Variants in SRCIN1 observed in about 807,000 individuals in gnomAD.
SRCIN1 encodes SRC kinase signaling inhibitor 1, also known as P130Cas-associated protein.
Under a neutral mutation model 116.2 loss-of-function variants are expected in SRCIN1, and 50 were observed. The observed-to-expected ratio is 0.43, with a 90% CI of 0.34 to 0.54. SRCIN1 has a LOEUF of 0.54. Among genes scored for constraint, SRCIN1 ranks in the 20% least tolerant of loss-of-function variants. SRCIN1 has a pLI of 0.02. For missense variants in SRCIN1, 1,446 were observed against 1,672.0 expected, an observed-to-expected ratio of 0.86 and a Z score of 2.36; for synonymous variants, 736 against 750.0, an observed-to-expected ratio of 0.98 and a Z score of 0.30.
rs749613021 is a variant in SRCIN1, at chr17:38,562,960, C to T, written c.741-40G>A. The T allele has an allele frequency of 1.3e-6, 2 of 1,510,184 alleles. No individual in the cohort carries two copies. The highest frequency in any genetic ancestry group is 2.3e-5 in the South Asian group (2 of 86,950). 93.5% of individuals were successfully genotyped at this position (1,510,184 alleles called of 1,614,324 possible). On this transcript the variant is annotated intron_variant, in intron 5 of 18. Coordinates refer to ENST00000617146, the MANE Select transcript of SRCIN1 (RefSeq NM_025248.3). This position sits in a 1 kb window ranked among gnomAD's most constrained non-coding sequence, Gnocchi z 4.2. ...GAGACGGGGGTCACCACCCATCCCC[C>T]AGCTGTGCACAATGAGAAGGGATGG...
chr17:38,605,077 G>T (rs1416038110), intron 1 of SRCIN1, among the ~76,000 whole-genome samples: 2 of 152,024 alleles, frequency 1.3e-5, no homozygotes, highest in East Asian at 1.9e-4. Flanking sequence ...GGGAGGGGGG[G>T]TGTGTGGAAT....
chr17:38,604,500 G>A lies in SRCIN1; in HGVS notation c.22+1184C>T, dbSNP rs12952883. 1 of 454,052 alleles carries A rather than the reference G, an allele frequency of 2.2e-6. No individual in the cohort carries two copies. Among genetic ancestry groups the A allele is most frequent in the South Asian group, 1.6e-5 (1 of 64,274 alleles). The allele number at this position is 454,052 out of a possible 1,614,324, so 28.1% of individuals were successfully genotyped here. On this transcript the variant is annotated intron_variant, in intron 1 of 18. Transcript: ENST00000617146. The surrounding 1 kb of genome is among the most constrained non-coding windows in gnomAD (Gnocchi z 4.3). ...TCACCTGGCTCCCCTCGGCCCCCAG[G>A]GTCCCTCGGTCCAGCCTCCTCCCTG...
intron 1 of SRCIN1, among the ~76,000 whole-genome samples, chr17:38,590,260 C>T (rs998859958): frequency 5.3e-5 from 8 of 152,182 alleles, no homozygotes; most frequent in African/African-American, 1.9e-4. Flanking sequence ...TTTCTTGAGA[C>T]AGTCCTGCTC....
chr17:38,591,910 C>T (rs558286544), intron 1 of SRCIN1, among the ~76,000 whole-genome samples: 5 of 152,372 alleles, frequency 3.3e-5, no homozygotes, highest in East Asian at 3.9e-4. Flanking sequence ...GTGGGCAGCC[C>T]GCTCTGCCTG....
chr17:38,565,683 T>G (rs1906638065), intron 3 of SRCIN1, among the ~76,000 whole-genome samples: 1 of 152,254 alleles, frequency 6.6e-6, no homozygotes. Flanking sequence ...ATGTTCCAAT[T>G]GGATTAGCAC....
intron 1 of SRCIN1, among the ~76,000 whole-genome samples, chr17:38,584,529 G>GCCC (rs36036945): frequency 1.3e-5 from 2 of 152,028 alleles, no homozygotes; most frequent in African/African-American, 4.8e-5. Flanking sequence ...AGTGGCGGGC[G>GCCC]CCCCCCAGTG....
rs1403948435 is a variant in SRCIN1, at chr17:38,578,544, C to G, written c.270G>C (p.Lys90Asn). The G allele has an allele frequency of 6.2e-7, 1 of 1,603,130 alleles. No individual in the cohort carries two copies. Among genetic ancestry groups the G allele is most frequent in the East Asian group, 2.2e-5 (1 of 44,492 alleles). The change falls in exon 2 of 19, where the codon AAG (lysine) becomes AAC (asparagine). Residue 90 changes from lysine (K) to asparagine (N), a missense_variant. Around this residue, in one of 5 missense-constraint regions of SRCIN1, gnomAD observed 246 missense variants for 265.1 expected, o/e 0.93. Coordinates refer to ENST00000617146, the MANE Select transcript of SRCIN1 (RefSeq NM_025248.3). ...GCAGGGCCAGGGCGTGCTGTGGGTA[C>G]TTGCTCTTCAGGTGGTCCATGAAGG... ...RDAFMDHLKS[K>N]YPQHALALRG...
rs55779119 is a variant in SRCIN1, at chr17:38,581,466, C to CTTTT, written c.23-2679_23-2676dup. 1.3e-4 allele frequency among the ~76,000 whole-genome samples: 18 copies of CTTTT among 134,678 alleles called. No individual in the cohort carries two copies. The South Asian group carries it at 1.7e-3, about 12-fold the overall frequency. The allele number at this position is 134,678 out of a possible 152,430, so 88.4% of individuals were successfully genotyped here. On this transcript the variant is annotated intron_variant, in intron 1 of 18. Transcript: ENST00000617146. ...AAAGTGTGAGCCACCACACCCAGGT[C>CTTTT]TTTTTTTTTTTTTTTAAATACCTTT...
intron 3 of SRCIN1, 45 bp from the exon 4 acceptor site, chr17:38,564,358 C>A (rs776328704): frequency 1.9e-5 from 28 of 1,446,616 alleles, no homozygotes; most frequent in South Asian, 2.7e-5. Context: ...ATGAGCACCC[C>A]CCCTCCCCTT....
rs1038480024 is a variant in SRCIN1, at chr17:38,560,061, G to A, written c.1830C>T (p.Pro610=). The part of the protein sequence containing the change: ...KIEGSNGAAT[P]SAPCGSGGRS... ...AGGGGGAGGTTCACTCACGTGCTGA[G>A]GGGGTGGCTGCTCCATTGGAGCCTT... The change falls in exon 9 of 19, where the codon CCC becomes CCT. Residue 610 remains proline (P), a synonymous_variant. Transcript: ENST00000617146. 8 of 1,557,816 alleles carry A rather than the reference G, an allele frequency of 5.1e-6. No individual in the cohort carries two copies. The African/African-American group carries it at 6.8e-5, about 13-fold the overall frequency.
At chr17:38,554,017 A>G (rs570774703) in intron 11 of SRCIN1, among the ~76,000 whole-genome samples, 54 of 152,264 alleles carry the variant, frequency 3.5e-4, no homozygotes, top group African/African-American at 1.3e-3. Flanking sequence ...TTCGAGACCA[A>G]CTGGCCAATA....
intron 1 of SRCIN1, among the ~76,000 whole-genome samples, chr17:38,592,144 C>T (rs1299532104): frequency 6.6e-6 from 1 of 152,236 alleles, no homozygotes; most frequent in East Asian, 1.9e-4. Context: ...GCAAGTGCCC[C>T]GTGTCTGCAT....
At chr17:38,575,718 C>T (rs904744722) in intron 2 of SRCIN1, among the ~76,000 whole-genome samples, 1 of 152,190 alleles carries the variant, frequency 6.6e-6, no homozygotes, top group Non-Finnish European at 1.5e-5. Flanking sequence ...TGTCCCACAG[C>T]ATACCTTTCT....
At chr17:38,594,183 C>T (rs556294457) in intron 1 of SRCIN1, among the ~76,000 whole-genome samples, 35 of 152,302 alleles carry the variant, frequency 2.3e-4, no homozygotes, top group Non-Finnish European at 3.8e-4. Context: ...GTAACTCACG[C>T]GAGCAAGGAG....
At chr17:38,595,420 G>A (rs1294044091) in intron 1 of SRCIN1, among the ~76,000 whole-genome samples, 7 of 152,156 alleles carry the variant, frequency 4.6e-5, no homozygotes, top group Non-Finnish European at 8.8e-5. Context: ...GTTTCACCAC[G>A]TTTGCCAGGC....
Position 38,552,873 on chromosome 17 carries a change from C to T in SRCIN1, c.2202-18G>A, listed in dbSNP as rs542170700. ...CCAGGTCACTGCAGCCACAGAGAGA[C>T]CCTTTCAGCCCTTTTGGCCTGAGAT... On this transcript the variant is annotated intron_variant, in intron 11 of 18. Transcript: ENST00000617146. This position sits in a 1 kb window ranked among gnomAD's most constrained non-coding sequence, Gnocchi z 5.3. 1.9e-6 allele frequency: 3 copies of T among 1,604,338 alleles called. No homozygotes were observed. In the African/African-American group the frequency reaches 4.0e-5, roughly 21 times the overall value.
At chr17:38,583,536 T>C (rs1426722581) in intron 1 of SRCIN1, among the ~76,000 whole-genome samples, 1 of 149,620 alleles carries the variant, frequency 6.7e-6, no homozygotes, top group African/African-American at 2.5e-5. Flanking sequence ...TGTTTTCTTT[T>C]TTTCATTTTC....
rs1909072873 is a variant in SRCIN1 at position 38,602,047 on chromosome 17, G to C, written c.22+3637C>G. On this transcript the variant is annotated intron_variant, in intron 1 of 18. Transcript: ENST00000617146. The surrounding 1 kb of genome is among the most constrained non-coding windows in gnomAD (Gnocchi z 4.2). ...GAGGGGCGAAGACTGAGGGCATCCAGGGGAGTGCTCTGGAGCCCAGGTATC... is the reference window on the plus strand; with the variant it reads ...GAGGGGCGAAGACTGAGGGCATCCACGGGAGTGCTCTGGAGCCCAGGTATC... 6.6e-6 allele frequency among the ~76,000 whole-genome samples: 1 copy of C among 152,134 alleles called. No homozygotes were observed. The highest frequency in any genetic ancestry group is 2.4e-5 in the African/African-American group (1 of 41,412).
At chr17:38,549,315 C>T in intron 15 of SRCIN1, 105 bp from the exon 16 acceptor site, 2 of 1,189,750 alleles carry the variant, frequency 1.7e-6, no homozygotes, top group Non-Finnish European at 2.2e-6. Context: ...CCAGGGAGGA[C>T]CAGGAGGAGG....
Sources: gnomAD v4.1 joint callset for allele counts (sites outside exome capture counted in the v4.1 genomes callset) on GRCh38, gnomAD v4.1.1 for gene constraint, gnomAD v4.1.1 regional missense constraint, Gnocchi (gnomAD v3.1) non-coding constraint, MANE v1.5 for transcripts, NCBI Gene and HGNC (gene_info 2026-07-23, HGNC 2026-07-21) for gene names.